Variants in ANKRD31 observed in about 807,000 individuals in gnomAD.
ANKRD31 encodes ankyrin repeat domain-containing protein 31.
A neutral mutation model predicts 186.0 loss-of-function variants in ANKRD31; 147 were observed. That is an observed-to-expected ratio of 0.79 (90% CI 0.69 to 0.91). The LOEUF is 0.91. Among genes scored for constraint, ANKRD31 ranks in the 40% least tolerant of loss-of-function variants. The probability of loss-of-function intolerance (pLI) is 0.00; values close to 1 mark genes in which losing one functional copy is unlikely to be tolerated. For missense variants in ANKRD31, 1,986 were observed against 2,148.8 expected (o/e 0.92, Z 1.50); for synonymous variants, 673 against 736.4 (o/e 0.91, Z 1.39).
intron 2 of ANKRD31, among the ~76,000 whole-genome samples, chr5:75,226,310 G>A (rs1757627030): frequency 6.6e-6 from 1 of 152,144 alleles, no homozygotes; most frequent in African/African-American, 2.4e-5. Context: ...GTGAACATAG[G>A]TGGTAGCCAG....
chr5:75,106,946 G>A (rs1385537227), intron 21 of ANKRD31, among the ~76,000 whole-genome samples: 1 of 151,850 alleles, frequency 6.6e-6, no homozygotes, highest in African/African-American at 2.4e-5. Flanking sequence ...AAAACTGAAT[G>A]TGAATAAAGA....
At position 75,147,433 on chromosome 5, in the gene ANKRD31, G is replaced by C; in HGVS notation, c.1978C>G (p.His660Asp). The part of the protein sequence containing the change: ...NENSNRQKLE[H>D]VKVNKGSKAS... ...TTGCTTCCTTTATTGACTTTTACAT[G>C]TTCCAGCTTCTGTCTGTTGGAATTT... Residue 660 changes from histidine (H) to aspartate (D), a missense_variant, in exon 14 of 26, where the codon CAT becomes GAT. By Grantham distance (81) the His-to-Asp change is moderately conservative. Coordinates refer to ENST00000506364, the MANE Select transcript of ANKRD31 (RefSeq NM_001372053.1). The C allele has an allele frequency of 6.6e-7, 1 of 1,512,418 alleles. No homozygotes were observed. Among genetic ancestry groups the C allele is most frequent in the Non-Finnish European group, 8.8e-7 (1 of 1,138,048 alleles). 93.7% of individuals were successfully genotyped at this position (1,512,418 alleles called of 1,614,324 possible).
intron 11 of ANKRD31, among the ~76,000 whole-genome samples, chr5:75,158,332 T>C (rs1330063412): frequency 6.6e-6 from 1 of 151,976 alleles, no homozygotes; most frequent in African/African-American, 2.4e-5. Flanking sequence ...AGGATAAAGA[T>C]AAAAACAAGA....
intron 14 of ANKRD31, among the ~76,000 whole-genome samples, chr5:75,145,207 A>G (rs879426575): frequency 2.0e-5 from 3 of 152,154 alleles, no homozygotes; most frequent in Non-Finnish European, 4.4e-5. Context: ...AGAACCAGAA[A>G]TACCATTTGA....
Position 75,104,335 on chromosome 5 carries a change from C to A in ANKRD31, c.5224G>T (p.Ala1742Ser), listed in dbSNP as rs745414673. The A allele has an allele frequency of 2.0e-6, 3 of 1,537,110 alleles. No homozygotes were observed. Among genetic ancestry groups the A allele is most frequent in the Non-Finnish European group, 2.6e-6 (3 of 1,146,874 alleles). Residue 1742 changes from alanine (A) to serine (S), a missense_variant, in exon 22 of 26, where the codon GCT becomes TCT. Ala to Ser is a moderately conservative substitution (Grantham distance 99). Transcript: ENST00000506364. ...GSGQQDTIKK[A>S]LNYSTAPKKK... ...TTAGGAGCTGTACTGTAGTTTAAAG[C>A]CTTTTTTATTGTATCTTGTTGCCCA...
rs1418583892 is a variant in ANKRD31, at chr5:75,146,282, AGTT to A, written c.3126_3128del (p.Thr1043del). On this transcript the variant is annotated inframe_deletion, in exon 14 of 26. Transcript: ENST00000506364. ...GTGTATCTGTTTGATTCATTAAAAA[AGTT>A]GGTGCTCTGGGAATATAATCCTGTG... The A allele has an allele frequency of 1.3e-6, 2 of 1,536,460 alleles. No homozygotes were observed. Among genetic ancestry groups the A allele is most frequent in the Admixed American group, 3.9e-5 (2 of 50,918 alleles).
At position 75,197,057 on chromosome 5, in the gene ANKRD31, T is replaced by C. The variant is rs561164428; in HGVS notation, c.448-857A>G. ...CTGGGATTACAGGAGCCTGCCACCATGCCCTGTTAATTTTTTGTACTTTTA... is the reference window on the plus strand; with the variant it reads ...CTGGGATTACAGGAGCCTGCCACCACGCCCTGTTAATTTTTTGTACTTTTA... On this transcript the variant is annotated intron_variant, in intron 6 of 25. Coordinates refer to ENST00000506364, the MANE Select transcript of ANKRD31 (RefSeq NM_001372053.1). Among the ~76,000 whole-genome samples, 8 of 152,190 alleles carry C rather than the reference T, an allele frequency of 5.3e-5. No homozygotes were observed. The South Asian group carries it at 1.7e-3, about 32-fold the overall frequency.
At chr5:75,190,119 A>C (rs1052458886) in intron 9 of ANKRD31, among the ~76,000 whole-genome samples, 1 of 151,944 alleles carries the variant, frequency 6.6e-6, no homozygotes, top group Non-Finnish European at 1.5e-5. Flanking sequence ...TCCCAGGCTC[A>C]GGTAATTCTC....
intron 3 of ANKRD31, among the ~76,000 whole-genome samples, chr5:75,218,059 T>C (rs765046597): frequency 6.6e-6 from 1 of 152,054 alleles, no homozygotes; most frequent in African/African-American, 2.4e-5. Flanking sequence ...TAAAGCAACC[T>C]CAAAGCTGGT....
intron 23 of ANKRD31, among the ~76,000 whole-genome samples, chr5:75,087,922 A>T (rs373672117): frequency 2.5e-4 from 38 of 151,830 alleles, no homozygotes; most frequent in African/African-American, 9.0e-4. Context: ...TACTCCCAAC[A>T]CTCTATGTAG....
chr5:75,105,982 G>A (rs1747301706), intron 21 of ANKRD31, among the ~76,000 whole-genome samples: 1 of 151,938 alleles, frequency 6.6e-6, no homozygotes, highest in African/African-American at 2.4e-5. Context: ...TGTTTTCAGT[G>A]GTTCTCAAAC....
intron 17 of ANKRD31, among the ~76,000 whole-genome samples, chr5:75,126,551 G>A (rs999992591): frequency 6.6e-6 from 1 of 152,110 alleles, no homozygotes; most frequent in East Asian, 1.9e-4. Flanking sequence ...CCACATTCTA[G>A]TACAAGTCTT....
intron 25 of ANKRD31, among the ~76,000 whole-genome samples, chr5:75,079,037 TTTAA>T (rs1452072273): frequency 6.6e-6 from 1 of 152,226 alleles, no homozygotes; most frequent in Non-Finnish European, 1.5e-5. Flanking sequence ...GTTTCAAGTC[TTTAA>T]TTAGAAAGAA....
chr5:75,207,835 A>G, intron 4 of ANKRD31, among the ~76,000 whole-genome samples: 1 of 152,064 alleles, frequency 6.6e-6, no homozygotes, highest in East Asian at 1.9e-4. Flanking sequence ...AAATGAACTT[A>G]TAATGTTGGT....
intron 17 of ANKRD31, 72 bp downstream of exon 17, chr5:75,137,784 T>G (rs1246589362): frequency 2.3e-6 from 3 of 1,285,034 alleles, no homozygotes; most frequent in Non-Finnish European, 2.0e-6. Flanking sequence ...GTTCTCAGTT[T>G]AAAAAATCTT....
At chr5:75,224,247 G>A (rs1757506549) in intron 2 of ANKRD31, among the ~76,000 whole-genome samples, 1 of 146,758 alleles carries the variant, frequency 6.8e-6, no homozygotes, top group Non-Finnish European at 1.5e-5. Flanking sequence ...AACAAAAGTT[G>A]GAAGAAGGTA....
At chr5:75,169,164 TTAA>T in intron 10 of ANKRD31, 43 bp from the exon 11 acceptor site, 1 of 1,518,474 alleles carries the variant, frequency 6.6e-7, no homozygotes. Context: ...ATTTGGCATC[TTAA>T]TAATGTTTTG....
At chr5:75,101,657 C>T (rs535441383) in intron 22 of ANKRD31, among the ~76,000 whole-genome samples, 201 of 152,312 alleles carry the variant, frequency 1.3e-3, no homozygotes, top group Non-Finnish European at 1.9e-3. Flanking sequence ...AACTTCTCCT[C>T]TCGCTTCATT....
chr5:75,107,497 CTT>C, intron 21 of ANKRD31, 22 bp downstream of exon 21: 1 of 1,403,788 alleles, frequency 7.1e-7, no homozygotes, highest in South Asian at 1.3e-5. Context: ...CAAAAGCACT[CTT>C]TTTTTTTCTT....
Sources: gnomAD v4.1 joint callset for allele counts (sites outside exome capture counted in the v4.1 genomes callset) on GRCh38, gnomAD v4.1.1 for gene constraint, MANE v1.5 for transcripts, NCBI Gene and HGNC (gene_info 2026-07-23, HGNC 2026-07-21) for gene names.